Variants in FSTL4 observed in about 807,000 individuals in gnomAD.
FSTL4 encodes follistatin-related protein 4.
Under a neutral mutation model 78.2 loss-of-function variants are expected in FSTL4, and 28 were observed. The observed-to-expected ratio is 0.36, with a 90% CI of 0.27 to 0.49. The LOEUF (loss-of-function observed/expected upper bound fraction) is 0.49. Among genes scored for constraint, FSTL4 ranks in the 20% least tolerant of loss-of-function variants. FSTL4 has a pLI of 0.98. For missense variants in FSTL4, 922 were observed against 1,084.9 expected, an observed-to-expected ratio of 0.85 and a Z score of 2.11; for synonymous variants, 422 against 440.5, an observed-to-expected ratio of 0.96 and a Z score of 0.53.
chr5:133,553,953 A>G (rs26367), intron 3 of FSTL4, among the ~76,000 whole-genome samples: 11,153 of 152,186 alleles, frequency 0.073, 553 homozygotes, highest in Non-Finnish European at 0.1. Context: ...AACTAAGAGC[A>G]CTGGCTTAGA....
chr5:133,833,748 C>G, the FSTL4 span, among the ~76,000 whole-genome samples: 3 of 152,292 alleles, frequency 2.0e-5, no homozygotes, highest in Non-Finnish European at 4.4e-5. Context: ...TCAAGTATGT[C>G]CCTTGTCCTT....
chr5:133,479,402 T>C (rs1002474960), intron 3 of FSTL4, among the ~76,000 whole-genome samples: 8 of 152,244 alleles, frequency 5.3e-5, no homozygotes, highest in African/African-American at 1.9e-4. Context: ...TAGGATGCAG[T>C]TCTTTTTCCA....
chr5:133,325,816 G>C (rs1322010056), intron 4 of FSTL4, among the ~76,000 whole-genome samples: 1 of 152,124 alleles, frequency 6.6e-6, no homozygotes, highest in Non-Finnish European at 1.5e-5. Flanking sequence ...GCCCAGGGGA[G>C]AGACAGGACA....
At chr5:133,657,766 GTTTTTTTTGT>G in the FSTL4 span, among the ~76,000 whole-genome samples, 13 of 85,954 alleles carry the variant, frequency 1.5e-4, no homozygotes, top group South Asian at 4.2e-3. Flanking sequence ...ACTGTTTTTT[GTTTTTTTTGT>G]TTTTTTTTTT....
At chr5:133,712,963 T>G in the FSTL4 span, among the ~76,000 whole-genome samples, 1 of 152,208 alleles carries the variant, frequency 6.6e-6, no homozygotes, top group Non-Finnish European at 1.5e-5. Flanking sequence ...AAGCTGGTGC[T>G]GAGCCCCACT....
At chr5:133,617,959 A>G in the FSTL4 span, among the ~76,000 whole-genome samples, 1 of 152,130 alleles carries the variant, frequency 6.6e-6, no homozygotes, top group African/African-American at 2.4e-5. Context: ...AGAGTTGCAG[A>G]AGAAGGAGAG....
intron 4 of FSTL4, among the ~76,000 whole-genome samples, chr5:133,356,635 C>G (rs1348299923): frequency 6.7e-6 from 1 of 149,224 alleles, no homozygotes; most frequent in African/African-American, 2.5e-5. Context: ...ATGGTAGTGA[C>G]AAGTGAGCAG....
chr5:133,334,355 G>T (rs907089394), intron 4 of FSTL4, among the ~76,000 whole-genome samples: 3 of 152,070 alleles, frequency 2.0e-5, no homozygotes, highest in Admixed American at 6.6e-5. Context: ...CTCTACCTGG[G>T]CACCCCTCTA....
At chr5:133,372,351 C>T (rs1755330296) in intron 4 of FSTL4, among the ~76,000 whole-genome samples, 2 of 151,666 alleles carry the variant, frequency 1.3e-5, no homozygotes, top group South Asian at 2.1e-4. Flanking sequence ...TAGTCTTTGC[C>T]CCCTGGAGGT....
chr5:133,493,778 T>C (rs1758316757), intron 3 of FSTL4, among the ~76,000 whole-genome samples: 1 of 152,246 alleles, frequency 6.6e-6, no homozygotes, highest in Non-Finnish European at 1.5e-5. Flanking sequence ...TCCAGTCATA[T>C]ATTTAGAAAA....
chr5:133,317,306 G>A (rs967143502), intron 4 of FSTL4, among the ~76,000 whole-genome samples: 1 of 152,230 alleles, frequency 6.6e-6, no homozygotes, highest in Non-Finnish European at 1.5e-5. Context: ...GGGAAGTAAA[G>A]CCTGGGATGC....
At chr5:133,632,456 T>C in the FSTL4 span, among the ~76,000 whole-genome samples, 2 of 152,244 alleles carry the variant, frequency 1.3e-5, no homozygotes, top group African/African-American at 4.8e-5. Context: ...TTTTATTTTC[T>C]TTCTTTTTAG....
At chr5:133,396,275 G>C (rs977152823) in intron 4 of FSTL4, among the ~76,000 whole-genome samples, 1 of 152,182 alleles carries the variant, frequency 6.6e-6, no homozygotes, top group Admixed American at 6.5e-5. Context: ...TGCATGCCAG[G>C]TGCTGCTCCT....
intron 3 of FSTL4, among the ~76,000 whole-genome samples, chr5:133,499,472 G>A (rs1282334000): frequency 6.6e-6 from 1 of 151,576 alleles, no homozygotes; most frequent in Admixed American, 6.6e-5. Flanking sequence ...CTGTGATCCG[G>A]GCTCTGAGGG....
At chr5:133,794,973 A>C in the FSTL4 span, among the ~76,000 whole-genome samples, 1 of 152,164 alleles carries the variant, frequency 6.6e-6, no homozygotes, top group African/African-American at 2.4e-5. Context: ...TTTCTGTCAC[A>C]TGTCCAGGCT....
chr5:133,829,620 G>A, the FSTL4 span, among the ~76,000 whole-genome samples: 1 of 152,258 alleles, frequency 6.6e-6, no homozygotes, highest in African/African-American at 2.4e-5. Context: ...GGGAGAGAAA[G>A]GGTTCATGGT....
At chr5:133,522,804 G>A (rs766587872) in intron 3 of FSTL4, among the ~76,000 whole-genome samples, 4 of 152,204 alleles carry the variant, frequency 2.6e-5, no homozygotes, top group African/African-American at 4.8e-5. Flanking sequence ...CAATGAGTCC[G>A]AGATTTGAAA....
chr5:133,729,067 G>A, the FSTL4 span, among the ~76,000 whole-genome samples: 3 of 152,128 alleles, frequency 2.0e-5, no homozygotes, highest in African/African-American at 7.2e-5. Flanking sequence ...GCCCAGTTCA[G>A]CCACATGCTG....
Position 133,569,985 on chromosome 5 carries a change from G to A in FSTL4, c.127-2766C>T, listed in dbSNP as rs903603750. Reference sequence around the variant, plus strand: ...AGCACTTTGGGAGGCTGAGGCGGGCGGATCATGAGGTCAGGAGATTGAGAC... The same window carrying A: ...AGCACTTTGGGAGGCTGAGGCGGGCAGATCATGAGGTCAGGAGATTGAGAC... On this transcript the variant is annotated intron_variant, in intron 2 of 15. Transcript: ENST00000265342. Among the ~76,000 whole-genome samples, 12 of 152,088 alleles carry A rather than the reference G, an allele frequency of 7.9e-5. No individual in the cohort carries two copies. The South Asian group carries it at 8.3e-4, about 11-fold the overall frequency.
Sources: gnomAD v4.1 joint callset for allele counts (sites outside exome capture counted in the v4.1 genomes callset) on GRCh38, gnomAD v4.1.1 for gene constraint, MANE v1.5 for transcripts, NCBI Gene and HGNC (gene_info 2026-07-23, HGNC 2026-07-21) for gene names.